The following NYAP2 variants were observed in gnomAD, a reference collection of about 807,000 sequenced individuals.
NYAP2 encodes neuronal tyrosine-phosphorylated phosphoinositide-3-kinase adaptor 2, also known as neuronal tyrosine-phosphorylated phosphoinositide-3-kinase adapter 2.
Under a neutral mutation model 50.4 loss-of-function variants are expected in NYAP2, and 23 were observed. The ratio of observed to expected loss-of-function variants is 0.46; its 90% CI spans 0.33 to 0.65. NYAP2 has a LOEUF of 0.65. Ranked by LOEUF, NYAP2 falls within the 30% of genes least tolerant of loss-of-function variation. The pLI, the probability that NYAP2 is intolerant of heterozygous loss-of-function variation, is 0.02. For missense variants in NYAP2, 885 were observed against 861.0 expected, an observed-to-expected ratio of 1.03 and a Z score of -0.35; for synonymous variants, 394 against 365.2, an observed-to-expected ratio of 1.08 and a Z score of -0.90.
intron 2 of NYAP2, among the ~76,000 whole-genome samples, chr2:225,405,913 C>T (rs927086678): frequency 1.3e-5 from 2 of 152,050 alleles, no homozygotes. Context: ...CTACAATAAA[C>T]ATTGTACTCA....
intron 3 of NYAP2, among the ~76,000 whole-genome samples, chr2:225,439,688 AG>A (rs1303253883): frequency 1.3e-5 from 2 of 152,216 alleles, no homozygotes; most frequent in Non-Finnish European, 2.9e-5. Context: ...TAAATGGGGA[AG>A]GGTGAAAATA....
chr2:225,534,894 T>C (rs1357868648), intron 4 of NYAP2, among the ~76,000 whole-genome samples: 2 of 151,864 alleles, frequency 1.3e-5, no homozygotes. Flanking sequence ...TTGTTGGGAG[T>C]GCGCAGTTTT....
At chr2:225,645,924 T>C (rs1202481873) in intron 6 of NYAP2, among the ~76,000 whole-genome samples, 1 of 152,212 alleles carries the variant, frequency 6.6e-6, no homozygotes, top group Non-Finnish European at 1.5e-5. Flanking sequence ...GTGAGAGGCT[T>C]GATTTGAATC....
chr2:225,648,973 T>C (rs1344253582), intron 6 of NYAP2, among the ~76,000 whole-genome samples: 1 of 151,890 alleles, frequency 6.6e-6, no homozygotes, highest in African/African-American at 2.4e-5. Flanking sequence ...GAGAGAGAGG[T>C]GAAGGAATGC....
intron 3 of NYAP2, among the ~76,000 whole-genome samples, chr2:225,414,866 T>C (rs1695099425): frequency 6.6e-6 from 1 of 152,182 alleles, no homozygotes; most frequent in South Asian, 2.1e-4. Context: ...TTAGCTATAG[T>C]ATTTTAAAAA....
At chr2:225,490,116 T>C (rs2106170429) in intron 3 of NYAP2, among the ~76,000 whole-genome samples, 1 of 152,330 alleles carries the variant, frequency 6.6e-6, no homozygotes, top group East Asian at 1.9e-4. Flanking sequence ...TGTGTTTGAC[T>C]TGACTATGAA....
intron 3 of NYAP2, among the ~76,000 whole-genome samples, chr2:225,468,814 C>G (rs902672550): frequency 6.6e-6 from 1 of 152,110 alleles, no homozygotes; most frequent in African/African-American, 2.4e-5. Context: ...AGAGGAGTTT[C>G]TTTCTAATTG....
chr2:225,653,625 G>C (rs1168332046), exon 7 of NYAP2: 4 of 152,248 alleles, frequency 2.6e-5, no homozygotes, highest in Non-Finnish European at 5.9e-5. Flanking sequence ...ATAGCCAGTT[G>C]TAATATACAT....
intron 2 of NYAP2, among the ~76,000 whole-genome samples, chr2:225,408,052 A>G (rs1400725): frequency 0.8 from 121,083 of 151,886 alleles, 48,508 homozygotes; most frequent in Non-Finnish European, 0.82. Context: ...ATCATTTTAC[A>G]GTTGAGAGTA....
At chr2:225,459,965 C>T (rs1689800636) in intron 3 of NYAP2, among the ~76,000 whole-genome samples, 1 of 152,178 alleles carries the variant, frequency 6.6e-6, no homozygotes, top group South Asian at 2.1e-4. Flanking sequence ...AGCCACAGCG[C>T]CCAGCCTCTA....
chr2:225,516,991 T>G (rs946654562), intron 4 of NYAP2, among the ~76,000 whole-genome samples: 1 of 152,120 alleles, frequency 6.6e-6, no homozygotes, highest in East Asian at 1.9e-4. Flanking sequence ...ATGACTTCCC[T>G]GTGGATAAAA....
intron 4 of NYAP2, among the ~76,000 whole-genome samples, chr2:225,573,250 C>CTTTTTTTTTTT (rs59186607): frequency 7.9e-6 from 1 of 126,730 alleles, no homozygotes; most frequent in South Asian, 2.6e-4. Flanking sequence ...ATTATTATTT[C>CTTTTTTTTTTT]TTTTTTTTTT....
the NYAP2 span, among the ~76,000 whole-genome samples, chr2:225,694,897 C>T: frequency 6.6e-6 from 1 of 151,658 alleles, no homozygotes; most frequent in African/African-American, 2.4e-5. Context: ...TTTTCTTACT[C>T]ACTACACATG....
chr2:225,648,031 G>T (rs1424232699), intron 6 of NYAP2, among the ~76,000 whole-genome samples: 1 of 151,984 alleles, frequency 6.6e-6, no homozygotes, highest in African/African-American at 2.4e-5. Context: ...ATGGAGTTTT[G>T]CTCTTGTTGC....
chr2:225,486,484 G>A (rs773615577), intron 3 of NYAP2, among the ~76,000 whole-genome samples: 43 of 152,252 alleles, frequency 2.8e-4, no homozygotes, highest in Non-Finnish European at 5.0e-4. Flanking sequence ...GCAGGCAGGC[G>A]CAGGCACTGA....
rs773270561 is a variant in NYAP2 at position 225,582,256 on chromosome 2, G to T, written c.839G>T (p.Gly280Val). 8 of 1,614,008 alleles carry T rather than the reference G, an allele frequency of 5.0e-6. No individual in the cohort carries two copies. In the Admixed American group the frequency reaches 1.3e-4, roughly 27 times the overall value. ...AAGTACCCTATCTTTGACGACTTGG[G>T]CCAAGACGCCAAATGTGACTTCGAC... is the stretch of plus-strand genomic sequence containing the variant. Residue 280 changes from glycine to valine, a missense_variant, in exon 5 of 7, where the codon GGC (glycine) becomes GTC (valine). Physicochemically the swap from Gly to Val is moderately radical, Grantham distance 109 (BLOSUM62 -3). Coordinates refer to ENST00000636099, the Ensembl canonical transcript of NYAP2. This position sits in a 1 kb window ranked among gnomAD's most constrained non-coding sequence, Gnocchi z 7.0.
At chr2:225,425,250 G>C (rs916810460) in intron 3 of NYAP2, among the ~76,000 whole-genome samples, 1 of 152,062 alleles carries the variant, frequency 6.6e-6, no homozygotes, top group Non-Finnish European at 1.5e-5. Context: ...TGCCAGCCTG[G>C]TTCGTTTTAA....
chr2:225,642,237 C>CTCATT (rs1693546008), intron 6 of NYAP2, among the ~76,000 whole-genome samples: 1 of 151,552 alleles, frequency 6.6e-6, no homozygotes. Context: ...TGAAGCTGGT[C>CTCATT]GTATAAGCTG....
intron 3 of NYAP2, among the ~76,000 whole-genome samples, chr2:225,415,546 T>C (rs763929147): frequency 1.2e-4 from 19 of 152,174 alleles, no homozygotes; most frequent in Non-Finnish European, 2.1e-4. Flanking sequence ...CCATGATTTG[T>C]GGCAGTAGAC....
Sources: allele counts gnomAD v4.1 joint callset (sites outside exome capture counted in the v4.1 genomes callset), GRCh38; gene constraint gnomAD v4.1.1; non-coding constraint Gnocchi (gnomAD v3.1); transcripts MANE v1.5; gene names NCBI Gene and HGNC (gene_info 2026-07-23, HGNC 2026-07-21).